The following SDK2 variants were observed in gnomAD, a reference collection of about 807,000 sequenced individuals.
SDK2 encodes the protein protein sidekick-2.
In SDK2, 105 loss-of-function variants were observed where a neutral mutation model predicts 253.9. The observed-to-expected ratio is 0.41, with a 90% CI of 0.35 to 0.49. The LOEUF is 0.49. Ranked by LOEUF, SDK2 falls within the 20% of genes least tolerant of loss-of-function variation. The pLI, the probability that SDK2 is intolerant of heterozygous loss-of-function variation, is 0.06. For missense variants in SDK2, 2,608 were observed against 3,003.0 expected (o/e 0.87, Z 3.07); for synonymous variants, 1,249 against 1,234.9 (o/e 1.01, Z -0.24).
At chr17:73,381,012 G>A in intron 33 of SDK2, 62 bp from the exon 34 acceptor site, 1 of 1,019,394 alleles carries the variant, frequency 9.8e-7, no homozygotes, top group Non-Finnish European at 1.5e-6. Flanking sequence ...GGAGGTTAGT[G>A]CTCACACATC....
At chr17:73,566,648 A>T (rs1715066273) in intron 1 of SDK2, among the ~76,000 whole-genome samples, 2 of 152,126 alleles carry the variant, frequency 1.3e-5, no homozygotes, top group South Asian at 4.1e-4. Flanking sequence ...ACTTATTAAA[A>T]ACTGGAGTGA....
Position 73,393,599 on chromosome 17 carries a change from G to A in SDK2, c.3859C>T (p.Pro1287Ser), listed in dbSNP as rs1169439995. The change falls in exon 27 of 45, where the codon CCC becomes TCC. Residue 1287 changes from proline to serine, a missense_variant. Coordinates refer to ENST00000392650, the MANE Select transcript of SDK2 (RefSeq NM_001144952.2). The stretch of plus-strand genomic sequence containing the variant: ...CGCTCCAGGATGGGAGGGTGGCTGG[G>A]GCTGCCGTCCCCGATGCGTGTGAAG... ...LAFTRIGDGS[P>S]SHPPILERTL... 12 of 1,579,532 alleles carry A rather than the reference G, an allele frequency of 7.6e-6. No homozygotes were observed. Among genetic ancestry groups the A allele is most frequent in the South Asian group, 1.2e-5 (1 of 86,854 alleles).
rs1266821575 is a variant in SDK2 at position 73,476,530 on chromosome 17, C to T, written c.225-4312G>A. Reference sequence around the variant, plus strand: ...ATTTAAGCATACATTATAAAAACGGCACCAGGGGCTCATTGGATCTGGATT... The same window carrying T: ...ATTTAAGCATACATTATAAAAACGGTACCAGGGGCTCATTGGATCTGGATT... On this transcript the variant is annotated intron_variant, in intron 2 of 44. Coordinates refer to ENST00000392650, the MANE Select transcript of SDK2 (RefSeq NM_001144952.2). 2.6e-5 allele frequency among the ~76,000 whole-genome samples: 4 copies of T among 152,230 alleles called. No individual in the cohort carries two copies. In the East Asian group the frequency reaches 7.7e-4, roughly 29 times the overall value.
At chr17:73,551,461 G>C (rs781112408) in intron 1 of SDK2, among the ~76,000 whole-genome samples, 13 of 152,208 alleles carry the variant, frequency 8.5e-5, no homozygotes, top group Admixed American at 6.5e-4. Context: ...GAATGGGGAG[G>C]GGGCGGAGCG....
intron 1 of SDK2, among the ~76,000 whole-genome samples, chr17:73,537,381 C>G (rs1004996232): frequency 5.3e-5 from 8 of 152,148 alleles, no homozygotes; most frequent in African/African-American, 1.9e-4. Flanking sequence ...TCACCTCCCC[C>G]TTCTGCCCCG....
At chr17:73,640,257 G>GGT (rs1254118461) in intron 1 of SDK2, among the ~76,000 whole-genome samples, 1 of 151,246 alleles carries the variant, frequency 6.6e-6, no homozygotes, top group Non-Finnish European at 1.5e-5. Flanking sequence ...GCGGGGGTGG[G>GGT]GTGTGTGTGT....
intron 3 of SDK2, among the ~76,000 whole-genome samples, chr17:73,466,169 GC>G (rs1365403061): frequency 6.6e-6 from 1 of 152,170 alleles, no homozygotes; most frequent in African/African-American, 2.4e-5. Context: ...GCCTAGTCCA[GC>G]CCTGGAGAGC....
chr17:73,448,458 G>A (rs567818762), intron 4 of SDK2, among the ~76,000 whole-genome samples: 5 of 151,860 alleles, frequency 3.3e-5, no homozygotes, highest in Admixed American at 6.6e-5. Flanking sequence ...TCTGCCTCCC[G>A]GGTTCAAGCG....
Position 73,431,729 on chromosome 17 carries a change from C to T in SDK2, c.1313-60G>A. The T allele has an allele frequency of 6.7e-7, 1 of 1,485,802 alleles. No individual in the cohort carries two copies. The highest frequency in any genetic ancestry group is 9.0e-7 in the Non-Finnish European group (1 of 1,113,524). 92.0% of individuals were successfully genotyped at this position (1,485,802 alleles called of 1,614,324 possible). A position where few individuals can be genotyped will look rare whatever the true frequency, so the allele number is the denominator to read the frequency against. On this transcript the variant is annotated intron_variant, in intron 10 of 44. Coordinates refer to ENST00000392650, the MANE Select transcript of SDK2 (RefSeq NM_001144952.2). The surrounding 1 kb of genome is among the most constrained non-coding windows in gnomAD (Gnocchi z 5.6). ...CCCCCAAGGGCACACCCTGCCCTTCCCTGGCCGCTCCAGGGCAGCATGGTC... is the reference window on the plus strand; with the variant it reads ...CCCCCAAGGGCACACCCTGCCCTTCTCTGGCCGCTCCAGGGCAGCATGGTC...
intron 1 of SDK2, among the ~76,000 whole-genome samples, chr17:73,638,541 G>A (rs2046359872): frequency 6.6e-6 from 1 of 152,122 alleles, no homozygotes; most frequent in African/African-American, 2.4e-5. Flanking sequence ...GGAAAGGCAG[G>A]AACTTCAAGT....
At chr17:73,617,160 G>A (rs773397880) in intron 1 of SDK2, among the ~76,000 whole-genome samples, 5 of 150,826 alleles carry the variant, frequency 3.3e-5, no homozygotes, top group East Asian at 2.0e-4. Flanking sequence ...GAAGCTTCCC[G>A]CAGAGAGGAG....
intron 1 of SDK2, among the ~76,000 whole-genome samples, chr17:73,523,326 T>C (rs1046220220): frequency 6.6e-6 from 1 of 151,866 alleles, no homozygotes; most frequent in African/African-American, 2.4e-5. Context: ...TGCTGTGGAA[T>C]GCTCTTCATG....
At chr17:73,398,961 G>A (rs2062995657) in intron 22 of SDK2, among the ~76,000 whole-genome samples, 1 of 152,242 alleles carries the variant, frequency 6.6e-6, no homozygotes, top group Admixed American at 6.5e-5. Context: ...GGAGGGGACT[G>A]TAGTGTGTGT....
chr17:73,440,531 G>T (rs945890515), intron 6 of SDK2, among the ~76,000 whole-genome samples: 1 of 152,188 alleles, frequency 6.6e-6, no homozygotes, highest in Non-Finnish European at 1.5e-5. Context: ...GGTTAGAAGT[G>T]AGTCCACCCT....
chr17:73,386,481 T>C lies in SDK2; in HGVS notation c.4462A>G (p.Ser1488Gly), dbSNP rs774330092. 6.4e-7 allele frequency: 1 copy of C among 1,561,934 alleles called. No individual in the cohort carries two copies. The highest frequency in any genetic ancestry group is 8.7e-7 in the Non-Finnish European group (1 of 1,152,920). The stretch of plus-strand genomic sequence containing the variant: ...GTGGTCAGTGACTCCGACTCCTCGC[T>C]GAACTCGCTGTCGCCAATGTCATTG... ...ATNDIGDSEF[S>G]EESESLTTLQ... is the part of the protein sequence containing the mutation. Residue 1488 changes from serine (S) to glycine (G), a missense_variant, in exon 31 of 45, where the codon AGC becomes GGC. Transcript: ENST00000392650.
intron 44 of SDK2, among the ~76,000 whole-genome samples, chr17:73,342,473 G>T (rs1225882943): frequency 1.3e-5 from 2 of 152,238 alleles, no homozygotes; most frequent in Admixed American, 1.3e-4. Context: ...GGGGATCTGT[G>T]AGGCAGGAGG....
chr17:73,538,245 C>T (rs1723076770), intron 1 of SDK2, among the ~76,000 whole-genome samples: 1 of 152,176 alleles, frequency 6.6e-6, no homozygotes, highest in Non-Finnish European at 1.5e-5. Flanking sequence ...ACAGATAGGT[C>T]AAGCAGCTTT....
intron 2 of SDK2, among the ~76,000 whole-genome samples, chr17:73,507,229 T>A (rs1368469743): frequency 6.6e-6 from 1 of 152,188 alleles, no homozygotes. Context: ...TGGCCCCTGG[T>A]CCACAACCCA....
intron 2 of SDK2, among the ~76,000 whole-genome samples, chr17:73,492,216 G>A (rs1057098778): frequency 5.9e-5 from 9 of 152,148 alleles, no homozygotes; most frequent in Non-Finnish European, 1.0e-4. Context: ...GAGAGACCAG[G>A]GGGAATAATA....
Sources: allele counts gnomAD v4.1 joint callset (sites outside exome capture counted in the v4.1 genomes callset), GRCh38; gene constraint gnomAD v4.1.1; non-coding constraint Gnocchi (gnomAD v3.1); transcripts MANE v1.5; gene names NCBI Gene and HGNC (gene_info 2026-07-23, HGNC 2026-07-21).